The following SLC26A5 variants were observed in gnomAD, a reference collection of about 807,000 sequenced individuals.
SLC26A5 encodes prestin.
In SLC26A5, 51 loss-of-function variants were observed where a neutral mutation model predicts 81.0. The observed-to-expected ratio is 0.63, with a 90% CI of 0.50 to 0.80. The LOEUF (loss-of-function observed/expected upper bound fraction) is 0.80. Among genes scored for constraint, SLC26A5 ranks in the 30% least tolerant of loss-of-function variants. SLC26A5 has a pLI of 0.00. For synonymous variants in SLC26A5, 325 were observed against 332.8 expected (o/e 0.98, Z 0.25); for missense variants, 771 against 905.8 (o/e 0.85, Z 1.91).
chr7:103,376,754 A>G (rs952668558), intron 19 of SLC26A5, 54 bp downstream of exon 19: 2 of 1,193,340 alleles, frequency 1.7e-6, no homozygotes, highest in African/African-American at 3.0e-5. Context: ...TTATTTAAAT[A>G]AGAGAAACAA....
chr7:103,430,331 G>A (rs1055531116), intron 2 of SLC26A5, among the ~76,000 whole-genome samples: 11 of 152,098 alleles, frequency 7.2e-5, no homozygotes, highest in African/African-American at 2.2e-4. Context: ...CGCCCGCCTC[G>A]GCCTCCCAAA....
chr7:103,419,372 T>C (rs894664456), intron 4 of SLC26A5, among the ~76,000 whole-genome samples: 2 of 152,176 alleles, frequency 1.3e-5, no homozygotes, highest in Non-Finnish European at 2.9e-5. Context: ...CACTGCCCCC[T>C]GCTCCCTCAC....
In SLC26A5 at chr7:103,362,264, C is replaced by T. The variant is rs563366346; in HGVS notation, c.2042-9338G>A. On this transcript the variant is annotated intron_variant, in intron 19 of 19. Coordinates refer to the SLC26A5 transcript ENST00000339444. ...CTGCATCTGCTTCCTAACTTCCCATCGGCTTCGCTGACTCCCCTACTCCCA... is the reference window on the plus strand; with the variant it reads ...CTGCATCTGCTTCCTAACTTCCCATTGGCTTCGCTGACTCCCCTACTCCCA... The T allele has an allele frequency of 1.9e-5, 27 of 1,414,658 alleles. No individual in the cohort carries two copies. In the Admixed American group the frequency reaches 2.2e-4, roughly 12 times the overall value. 87.6% of individuals were successfully genotyped at this position (1,414,658 alleles called of 1,614,324 possible).
intron 14 of SLC26A5, among the ~76,000 whole-genome samples, chr7:103,382,033 G>A (rs1382503766): frequency 4.0e-5 from 6 of 151,770 alleles, no homozygotes; most frequent in Non-Finnish European, 7.4e-5. Flanking sequence ...CCACAAACAC[G>A]ATCTGGTCAG....
chr7:103,417,186 A>G (rs549181142), intron 4 of SLC26A5, among the ~76,000 whole-genome samples: 8 of 152,142 alleles, frequency 5.3e-5, no homozygotes, highest in Non-Finnish European at 8.8e-5. Context: ...CCTGGCCAAC[A>G]TGGTGAAACC....
At chr7:103,384,180 T>C (rs956209786) in intron 14 of SLC26A5, among the ~76,000 whole-genome samples, 2 of 152,090 alleles carry the variant, frequency 1.3e-5, no homozygotes, top group Non-Finnish European at 2.9e-5. Context: ...GGCATGGTCT[T>C]ATTATGTTGT....
intron 4 of SLC26A5, 136 bp downstream of exon 4, chr7:103,420,602 A>G (rs1362010345): frequency 8.3e-7 from 1 of 1,208,756 alleles, no homozygotes; most frequent in African/African-American, 1.5e-5. Flanking sequence ...ATGTTTCTGA[A>G]GAATACCTTT....
chr7:103,423,904 A>T (rs1202376582), intron 2 of SLC26A5, among the ~76,000 whole-genome samples: 1 of 152,204 alleles, frequency 6.6e-6, no homozygotes, highest in African/African-American at 2.4e-5. Flanking sequence ...CAGACTAGTA[A>T]GGTGGGTTGG....
At position 103,367,558 on chromosome 7, in the gene SLC26A5, A is replaced by C; in HGVS notation, c.2041+9250T>G. On this transcript the variant is annotated intron_variant, in intron 19 of 19. Coordinates refer to the SLC26A5 transcript ENST00000339444. The surrounding 1 kb of genome is among the most constrained non-coding windows in gnomAD (Gnocchi z 6.1). ...ACAGACCTGATACTTTGGATCCAGCACTGATGAGGCCAGGGAGATTGGATA... is the reference window on the plus strand; with the variant it reads ...ACAGACCTGATACTTTGGATCCAGCCCTGATGAGGCCAGGGAGATTGGATA... 1.2e-5 allele frequency: 20 copies of C among 1,614,190 alleles called. No homozygotes were observed. Among genetic ancestry groups the C allele is most frequent in the Non-Finnish European group, 1.7e-5 (20 of 1,180,032 alleles).
intron 19 of SLC26A5, among the ~76,000 whole-genome samples, chr7:103,353,699 C>T (rs113005383): frequency 5.3e-5 from 8 of 152,246 alleles, no homozygotes; most frequent in African/African-American, 1.9e-4. Flanking sequence ...TAGGTCATCA[C>T]GTATATTATG....
At chr7:103,376,713 T>G in intron 19 of SLC26A5, 95 bp downstream of exon 19, 2 of 923,618 alleles carry the variant, frequency 2.2e-6, no homozygotes, top group Non-Finnish European at 3.4e-6. Flanking sequence ...TTTTATAAAA[T>G]AATTAAAATT....
intron 4 of SLC26A5, 95 bp from the exon 5 acceptor site, chr7:103,413,207 G>C: frequency 2.4e-6 from 2 of 828,574 alleles, no homozygotes; most frequent in Non-Finnish European, 4.1e-6. Context: ...TGATGAACGA[G>C]TGAAGCCCAT....
chr7:103,426,668 G>T (rs1435167575), intron 2 of SLC26A5, among the ~76,000 whole-genome samples: 1 of 152,170 alleles, frequency 6.6e-6, no homozygotes, highest in African/African-American at 2.4e-5. Context: ...GAAAGGAGAA[G>T]ATGTTGTAAT....
In SLC26A5 at chr7:103,413,006, G is replaced by A. The variant is rs923018848; in HGVS notation, c.399C>T (p.Ser133=). The A allele has an allele frequency of 5.7e-6, 9 of 1,591,938 alleles. No individual in the cohort carries two copies. The African/African-American group carries it at 1.2e-4, about 21-fold the overall frequency. The change falls in exon 5 of 20, where the codon TCC becomes TCT. Residue 133 remains serine, a synonymous_variant. Transcript: ENST00000306312. The part of the protein sequence containing the change: ...YCFLGTSRHI[S]IGPFAVISLM... ...ATATCAAATGTAAGCTTTTACCTAT[G>A]GATATGTGTCTGGAGGTTCCAAGAA...
intron 14 of SLC26A5, among the ~76,000 whole-genome samples, chr7:103,381,813 T>C (rs903032903): frequency 6.8e-6 from 1 of 147,976 alleles, no homozygotes; most frequent in African/African-American, 2.5e-5. Context: ...ACAACCTTCA[T>C]CCAAGACACA....
In SLC26A5 at chr7:103,374,430, G is replaced by C. The variant is rs748512964; in HGVS notation, c.2204C>G (p.Pro735Arg). ...CTCAGGAGTGGCAGGAGTGGCATTGGGCTCCAAGTCCTCCTGGGAAGGGGG... is the reference window on the plus strand; with the variant it reads ...CTCAGGAGTGGCAGGAGTGGCATTGCGCTCCAAGTCCTCCTGGGAAGGGGG... ...SAPPSQEDLE[P>R]NATPATPEA is the part of the protein sequence containing the mutation. The change falls in exon 20 of 20, where the codon CCC becomes CGC. Residue 735 changes from proline (P) to arginine (R), a missense_variant. Physicochemically the swap from Pro to Arg is moderately radical, Grantham distance 103. Transcript: ENST00000306312. 2 of 1,612,356 alleles carry C rather than the reference G, an allele frequency of 1.2e-6. No individual in the cohort carries two copies. The highest frequency in any genetic ancestry group is 1.7e-6 in the Non-Finnish European group (2 of 1,179,958).
chr7:103,394,008 A>G (rs186592496), intron 9 of SLC26A5, among the ~76,000 whole-genome samples: 1 of 152,324 alleles, frequency 6.6e-6, no homozygotes, highest in East Asian at 1.9e-4. Context: ...TGTAATTCCC[A>G]TTTTACAGAT....
At chr7:103,352,897 C>T in exon 20 of SLC26A5, 2 of 780,930 alleles carry the variant, frequency 2.6e-6, no homozygotes, top group African/African-American at 1.7e-5. Flanking sequence ...CCCCTACGGT[C>T]TCCATCTTCT....
intron 19 of SLC26A5, among the ~76,000 whole-genome samples, chr7:103,363,829 A>G (rs541256410): frequency 6.6e-6 from 1 of 152,336 alleles, no homozygotes; most frequent in South Asian, 2.1e-4. Context: ...AATACCAGAT[A>G]ATTTTGTTCC....
Sources: allele counts gnomAD v4.1 joint callset (sites outside exome capture counted in the v4.1 genomes callset), GRCh38; gene constraint gnomAD v4.1.1; non-coding constraint Gnocchi (gnomAD v3.1); transcripts MANE v1.5; gene names NCBI Gene and HGNC (gene_info 2026-07-23, HGNC 2026-07-21).